The following NEB variants were observed in gnomAD, a reference collection of about 807,000 sequenced individuals.
The protein encoded by NEB is nebulin.
In NEB, 512 loss-of-function variants were observed where a neutral mutation model predicts 952.2. That is an observed-to-expected ratio of 0.54 (90% confidence interval 0.50 to 0.58). NEB has a LOEUF of 0.58. NEB is among the 20% of genes least tolerant of loss of function. The pLI is 0.00. For synonymous variants in NEB, 2,900 were observed against 3,149.8 expected (o/e 0.92, Z 2.66); for missense variants, 8,428 against 9,231.1 (o/e 0.91, Z 3.56).
intron 164 of NEB, 24 bp downstream of exon 164, chr2:151,506,142 C>T: frequency 6.4e-7 from 1 of 1,557,210 alleles, no homozygotes; most frequent in South Asian, 1.1e-5. Context: ...GAAAATATTG[C>T]AAGTGCATTC....
At chr2:151,652,536 T>C (rs1275500335) in intron 52 of NEB, among the ~76,000 whole-genome samples, 1 of 152,212 alleles carries the variant, frequency 6.6e-6, no homozygotes, top group African/African-American at 2.4e-5. Context: ...CCAAAATTCT[T>C]ATATTTTTAA....
intron 107 of NEB, among the ~76,000 whole-genome samples, 167 bp from the exon 108 acceptor site, chr2:151,570,768 C>T (rs1298977042): frequency 6.6e-6 from 1 of 152,154 alleles, no homozygotes; most frequent in Non-Finnish European, 1.5e-5. Flanking sequence ...TGTCCTGGAA[C>T]ATGTAATGGT....
intron 28 of NEB, among the ~76,000 whole-genome samples, chr2:151,684,152 T>TTAATA (rs1354000138): frequency 7.2e-5 from 11 of 152,208 alleles, no homozygotes; most frequent in African/African-American, 2.7e-4. Flanking sequence ...TACAACAATG[T>TTAATA]TAATATACTT....
chr2:151,643,463 A>G, intron 57 of NEB, 110 bp from the exon 58 acceptor site: 1 of 895,866 alleles, frequency 1.1e-6, no homozygotes, highest in Admixed American at 3.2e-5. Flanking sequence ...ATTATACTCT[A>G]TATTTTTAAT....
At chr2:151,684,610 C>T (rs2099474195) in intron 28 of NEB, among the ~76,000 whole-genome samples, 168 bp downstream of exon 28, 1 of 152,192 alleles carries the variant, frequency 6.6e-6, no homozygotes. Flanking sequence ...CAGATCAGTT[C>T]TTCCTAACCT....
intron 47 of NEB, among the ~76,000 whole-genome samples, chr2:151,658,506 T>C (rs781747919): frequency 2.6e-5 from 4 of 151,430 alleles, no homozygotes; most frequent in Non-Finnish European, 5.9e-5. Context: ...AAAAAAAAGG[T>C]CAGCTATTCC....
chr2:151,618,346 G>T lies in NEB; in HGVS notation c.11005C>A (p.Leu3669Met), dbSNP rs775362248. The T allele has an allele frequency of 3.7e-5, 60 of 1,613,928 alleles. 1 individual carries two copies. In the East Asian group the frequency reaches 1.2e-3, roughly 32 times the overall value. ...GTGTCCGTTATACTGGTAAATTTCA[G>T]CGTTTCTGGACGCTGACGGTAGATA... ...DTIYRQRPET[L>M]KFTSITDTPE... The change falls in exon 74 of 182, where the codon CTG becomes ATG. Residue 3669 changes from leucine (L) to methionine (M), a missense_variant. Leu to Met is a conservative substitution (Grantham distance 15). This residue lies in a region of NEB where 1,772 missense variants were observed against 1,960.3 expected (regional missense o/e 0.90). Coordinates refer to ENST00000397345, the MANE Select transcript of NEB (RefSeq NM_001164508.2).
chr2:151,692,432 GTCTTTGCTGC>G, intron 20 of NEB, 70 bp from the exon 21 acceptor site: 3 of 1,241,848 alleles, frequency 2.4e-6, no homozygotes, highest in Non-Finnish European at 3.4e-6. Context: ...AGTCATTCAT[GTCTTTGCTGC>G]ACTTTAACTG....
At chr2:151,497,135 G>C in intron 171 of NEB, 102 bp from the exon 172 acceptor site, 2 of 1,397,664 alleles carry the variant, frequency 1.4e-6, no homozygotes, top group Non-Finnish European at 2.0e-6. Context: ...ACAAAACACA[G>C]TTGTCCAAGG....
Position 151,614,408 on chromosome 2 carries a change from C to A in NEB, c.11469G>T (p.Gly3823=). Residue 3823 remains glycine, a synonymous_variant, in exon 77 of 182, where the codon GGG becomes GGT. Transcript: ENST00000397345. Reference sequence around the variant, plus strand: ...TCTGACACTTCTTGGCCAGCACCACCCCCAGCATGTCCACTGGGCTGCTGA... The same window carrying A: ...TCTGACACTTCTTGGCCAGCACCACACCCAGCATGTCCACTGGGCTGCTGA... The part of the protein sequence containing the change: ...TKFSSPVDML[G]VVLAKKCQIL... The A allele has an allele frequency of 6.2e-7, 1 of 1,613,848 alleles. No homozygotes were observed. The highest frequency in any genetic ancestry group is 8.5e-7 in the Non-Finnish European group (1 of 1,179,844).
intron 13 of NEB, among the ~76,000 whole-genome samples, chr2:151,705,327 A>C (rs1167730196): frequency 5.9e-5 from 9 of 152,222 alleles, no homozygotes; most frequent in Non-Finnish European, 1.3e-4. Flanking sequence ...TGGGTTTTCA[A>C]AATGTAAATG....
intron 47 of NEB, among the ~76,000 whole-genome samples, chr2:151,658,716 GC>G (rs1286951715): frequency 3.3e-5 from 5 of 152,014 alleles, no homozygotes; most frequent in Non-Finnish European, 5.9e-5. Flanking sequence ...CATCTCAAAG[GC>G]TTGATGGAAG....
At position 151,560,651 on chromosome 2, in the gene NEB, G is replaced by A; in HGVS notation, c.19255C>T (p.Leu6419=). 2 of 1,612,552 alleles carry A rather than the reference G, an allele frequency of 1.2e-6. No individual in the cohort carries two copies. The highest frequency in any genetic ancestry group is 1.7e-6 in the Non-Finnish European group (2 of 1,179,388). ...WDRVKATSYI[L]PSSTLSLTHA... ...GTCAGGGACAAGGTGCTGGAAGGCA[G>A]GATGTAGCTGGTGGCTTTCACTCTA... The change falls in exon 124 of 182, where the codon CTG becomes TTG. Residue 6419 remains leucine (L), a synonymous_variant. Transcript: ENST00000397345.
rs758166991 is a variant in NEB at position 151,505,510 on chromosome 2, G to A, written c.23710C>T (p.Arg7904Cys). 54 of 1,613,544 alleles carry A rather than the reference G, an allele frequency of 3.3e-5. No homozygotes were observed. Among genetic ancestry groups the A allele is most frequent in the Admixed American group, 1.7e-4 (10 of 59,986 alleles). The part of the protein sequence containing the change: ...TPIPDLPEVK[R>C]VKETQKHISS... ...ATGTGCTTCTGCGTCTCCTTCACAC[G>A]TTTCACTTCAGGCAGGTCAGGGATT... is the stretch of plus-strand genomic sequence containing the variant. The change falls in exon 165 of 182, where the codon CGT becomes TGT. Residue 7904 changes from arginine (R) to cysteine (C), a missense_variant. Transcript: ENST00000397345.
intron 145 of NEB, 114 bp from the exon 146 acceptor site, chr2:151,529,428 C>A: frequency 1.4e-6 from 1 of 717,908 alleles, no homozygotes; most frequent in South Asian, 1.7e-5. Context: ...CTCCTTAAGA[C>A]GGAATTTTAA....
At chr2:151,501,562 A>T in intron 167 of NEB, 79 bp from the exon 168 acceptor site, 1 of 717,852 alleles carries the variant, frequency 1.4e-6, no homozygotes, top group Middle Eastern at 2.6e-4. Context: ...AAACAGCCTA[A>T]AAGAAGTATT....
In NEB at chr2:151,499,344, G is replaced by GTGA; in HGVS notation, c.24065_24067dup (p.Ile8022dup). On this transcript the variant is annotated inframe_insertion, in exon 169 of 182. Coordinates refer to ENST00000397345, the MANE Select transcript of NEB (RefSeq NM_001164508.2). Reference sequence around the variant, plus strand: ...GTGTTTGACTCTCTCCATCTCTGGAGTGATGGGGATTGGAATCCCTTTTCC... The same window carrying GTGA: ...GTGTTTGACTCTCTCCATCTCTGGAGTGATGATGGGGATTGGAATCCCTTTTCC... The GTGA allele has an allele frequency of 2.6e-6, 4 of 1,546,562 alleles. No homozygotes were observed. The highest frequency in any genetic ancestry group is 3.5e-6 in the Non-Finnish European group (4 of 1,143,698).
At chr2:151,640,199 G>T (rs1304087715) in intron 61 of NEB, 139 bp from the exon 62 acceptor site, 4 of 1,455,360 alleles carry the variant, frequency 2.7e-6, no homozygotes, top group African/African-American at 2.8e-5. Context: ...TTCCTCTTTG[G>T]TCTGAAGGGT....
intron 27 of NEB, among the ~76,000 whole-genome samples, chr2:151,685,636 C>G (rs918777819): frequency 6.6e-6 from 1 of 152,220 alleles, no homozygotes; most frequent in Non-Finnish European, 1.5e-5. Flanking sequence ...CCCTTCCGTA[C>G]AGCATTATAA....
Sources: gnomAD v4.1 joint callset for allele counts (sites outside exome capture counted in the v4.1 genomes callset) on GRCh38, gnomAD v4.1.1 for gene constraint, gnomAD v4.1.1 regional missense constraint, MANE v1.5 for transcripts, NCBI Gene and HGNC (gene_info 2026-07-23, HGNC 2026-07-21) for gene names.